Variants in FBXO16 observed in about 807,000 individuals in gnomAD.
The protein encoded by FBXO16 is F-box only protein 16.
In FBXO16, 31 loss-of-function variants were observed where a neutral mutation model predicts 41.0. The observed-to-expected ratio is 0.76, with a 90% CI of 0.57 to 1.02. The LOEUF (loss-of-function observed/expected upper bound fraction) is 1.02. Ranked by LOEUF, FBXO16 falls within the 50% of genes least tolerant of loss-of-function variation. FBXO16 has a pLI of 0.00. For synonymous variants in FBXO16, 133 were observed against 117.8 expected, an observed-to-expected ratio of 1.13 and a Z score of -0.84; for missense variants, 361 against 346.2, an observed-to-expected ratio of 1.04 and a Z score of -0.34.
intron 6 of FBXO16, among the ~76,000 whole-genome samples, chr8:28,451,884 T>C (rs1404534073): frequency 6.6e-6 from 1 of 151,032 alleles, no homozygotes; most frequent in Non-Finnish European, 1.5e-5. Context: ...CTTGGTAGGC[T>C]GAAGCAGGAG....
At chr8:28,487,911 G>A (rs1319285092) in intron 1 of FBXO16, among the ~76,000 whole-genome samples, 1 of 151,436 alleles carries the variant, frequency 6.6e-6, no homozygotes, top group Non-Finnish European at 1.5e-5. Flanking sequence ...GGAGTGCAGT[G>A]GCACAAACTC....
intron 7 of FBXO16, among the ~76,000 whole-genome samples, chr8:28,442,305 T>C: frequency 6.6e-6 from 1 of 152,118 alleles, no homozygotes; most frequent in East Asian, 1.9e-4. Context: ...GTAATGGGAG[T>C]GTCTTGACAT....
chr8:28,474,755 T>C (rs974838215), intron 2 of FBXO16, among the ~76,000 whole-genome samples: 1 of 152,266 alleles, frequency 6.6e-6, no homozygotes, highest in African/African-American at 2.4e-5. Context: ...CTAAGTCTTA[T>C]TCATCTTGAC....
At chr8:28,448,450 T>C (rs1362803652) in intron 6 of FBXO16, among the ~76,000 whole-genome samples, 3 of 152,184 alleles carry the variant, frequency 2.0e-5, no homozygotes, top group African/African-American at 7.2e-5. Context: ...GCTTATTTTG[T>C]ATATTTAATT....
At position 28,428,425 on chromosome 8, in the gene FBXO16, T is replaced by G. The variant is rs1802558912; in HGVS notation, c.*302A>C. 1.3e-6 allele frequency: 1 copy of G among 781,446 alleles called. No homozygotes were observed. Among genetic ancestry groups the G allele is most frequent in the African/African-American group, 1.8e-5 (1 of 54,570 alleles). The allele number at this position is 781,446 out of a possible 1,614,324, so 48.4% of individuals were successfully genotyped here. On this transcript the variant is annotated 3_prime_UTR_variant, in exon 9 of 9. Coordinates refer to ENST00000380254, the MANE Select transcript of FBXO16 (RefSeq NM_172366.4). ...TGTCCACATTTATGCCATGAATTCC[T>G]TTTTACTGAAATACCGTAGGACTCA...
At chr8:28,438,202 GCTA>G (rs1408459627) in intron 7 of FBXO16, among the ~76,000 whole-genome samples, 1 of 152,160 alleles carries the variant, frequency 6.6e-6, no homozygotes, top group Non-Finnish European at 1.5e-5. Flanking sequence ...TGTAATCCCA[GCTA>G]CTTGGGAGGC....
At chr8:28,461,693 A>C (rs768115169) in intron 4 of FBXO16, among the ~76,000 whole-genome samples, 14 of 151,966 alleles carry the variant, frequency 9.2e-5, no homozygotes, top group African/African-American at 3.1e-4. Flanking sequence ...AGAATATTTT[A>C]ATTTTTATAG....
intron 7 of FBXO16, among the ~76,000 whole-genome samples, chr8:28,441,944 GTA>G (rs1802786619): frequency 1.5e-5 from 2 of 129,248 alleles, no homozygotes; most frequent in Non-Finnish European, 3.3e-5. Context: ...GTGTGTGTGT[GTA>G]TTTTTTTTTT....
intron 5 of FBXO16, among the ~76,000 whole-genome samples, chr8:28,456,345 A>G (rs1803038138): frequency 6.6e-6 from 1 of 152,246 alleles, no homozygotes; most frequent in Admixed American, 6.5e-5. Flanking sequence ...TTCCTTATAA[A>G]CGATACAAAA....
At chr8:28,489,613 T>G (rs1452980558) in intron 1 of FBXO16, among the ~76,000 whole-genome samples, 2 of 151,476 alleles carry the variant, frequency 1.3e-5, no homozygotes, top group African/African-American at 4.9e-5. Flanking sequence ...GATGGAAGGA[T>G]TCCTTGAGCC....
intron 6 of FBXO16, among the ~76,000 whole-genome samples, 154 bp downstream of exon 6, chr8:28,452,090 A>T (rs1297681094): frequency 6.6e-6 from 1 of 152,106 alleles, no homozygotes; most frequent in Non-Finnish European, 1.5e-5. Flanking sequence ...ATTTGCTAGT[A>T]ATGGTCAGTA....
intron 7 of FBXO16, among the ~76,000 whole-genome samples, chr8:28,439,867 T>C (rs1297421984): frequency 9.2e-5 from 2 of 21,662 alleles, no homozygotes; most frequent in Non-Finnish European, 1.5e-4. Flanking sequence ...CTCTGTTCTA[T>C]AAATTCTTCT....
chr8:28,452,526 T>C (rs1802972399), intron 5 of FBXO16, 50 bp from the exon 6 acceptor site: 2 of 1,573,672 alleles, frequency 1.3e-6, no homozygotes, highest in Non-Finnish European at 1.7e-6. Context: ...ATACGCTGGG[T>C]GCGGTGGCTC....
chr8:28,458,015 G>T (rs1319531531), intron 4 of FBXO16, among the ~76,000 whole-genome samples: 2 of 152,180 alleles, frequency 1.3e-5, no homozygotes, highest in Non-Finnish European at 2.9e-5. Context: ...TGAAACTAAG[G>T]ATTCAGTGTC....
At chr8:28,440,790 G>A (rs939239908) in intron 7 of FBXO16, among the ~76,000 whole-genome samples, 7 of 152,130 alleles carry the variant, frequency 4.6e-5, no homozygotes, top group East Asian at 1.9e-4. Context: ...GCTCTGAAAC[G>A]GCAGGCTTTT....
intron 2 of FBXO16, among the ~76,000 whole-genome samples, chr8:28,481,241 TG>T (rs916282146): frequency 1.4e-4 from 21 of 152,148 alleles, no homozygotes; most frequent in Admixed American, 2.6e-4. Context: ...AAGATCTCTC[TG>T]GGACAAGAAT....
intron 3 of FBXO16, among the ~76,000 whole-genome samples, chr8:28,469,394 T>A (rs1803295516): frequency 6.6e-6 from 1 of 152,078 alleles, no homozygotes; most frequent in South Asian, 2.1e-4. Context: ...TTCACAGGCA[T>A]GATCATCGTG....
At chr8:28,454,195 T>A (rs910573914) in intron 5 of FBXO16, among the ~76,000 whole-genome samples, 1 of 151,800 alleles carries the variant, frequency 6.6e-6, no homozygotes, top group Non-Finnish European at 1.5e-5. Context: ...TAGAAGCAGA[T>A]TAAGAAGACA....
At chr8:28,484,772 T>C (rs1803574794) in intron 1 of FBXO16, among the ~76,000 whole-genome samples, 1 of 151,912 alleles carries the variant, frequency 6.6e-6, no homozygotes, top group South Asian at 2.1e-4. Flanking sequence ...TTTTTGTATT[T>C]TTAGTAGAGA....
Sources: allele counts gnomAD v4.1 joint callset (sites outside exome capture counted in the v4.1 genomes callset), GRCh38; gene constraint gnomAD v4.1.1; transcripts MANE v1.5; gene names NCBI Gene and HGNC (gene_info 2026-07-23, HGNC 2026-07-21).